SYNPO2: variants seen among roughly 807,000 people sequenced by gnomAD.
The protein encoded by SYNPO2 is synaptopodin 2.
A neutral mutation model predicts 85.0 loss-of-function variants in SYNPO2; 56 were observed. That is an observed-to-expected ratio of 0.66 (90% confidence interval 0.53 to 0.82). The LOEUF (loss-of-function observed/expected upper bound fraction) is 0.82, where lower values mean the gene tolerates loss of function less well. Among genes scored for constraint, SYNPO2 ranks in the 40% least tolerant of loss-of-function variants. SYNPO2 has a pLI of 0.00. For missense variants in SYNPO2, 1,575 were observed against 1,534.2 expected, an observed-to-expected ratio of 1.03 and a Z score of -0.44; for synonymous variants, 602 against 591.1, an observed-to-expected ratio of 1.02 and a Z score of -0.27.
At chr4:118,942,867 G>T (rs1433513910) in intron 1 of SYNPO2, among the ~76,000 whole-genome samples, 1 of 152,180 alleles carries the variant, frequency 6.6e-6, no homozygotes, top group African/African-American at 2.4e-5. Flanking sequence ...AGCACTTTGG[G>T]AGGCTAAGGT....
At position 119,030,275 on chromosome 4, in the gene SYNPO2, G is replaced by C; in HGVS notation, c.1500G>C (p.Glu500Asp). 2 of 1,614,062 alleles carry C rather than the reference G, an allele frequency of 1.2e-6. No individual in the cohort carries two copies. The highest frequency in any genetic ancestry group is 1.1e-5 in the South Asian group (1 of 91,080). The change falls in exon 4 of 5, where the codon GAG becomes GAC. Residue 500 changes from glutamate (E) to aspartate (D), a missense_variant. Glu to Asp is a conservative substitution (Grantham distance 45). This residue lies in a region of SYNPO2 where 1,508 missense variants were observed against 1,446.8 expected (regional missense o/e 1.04). Coordinates refer to ENST00000307142, the MANE Select transcript of SYNPO2 (RefSeq NM_133477.3). ...KGALMFAKRRERMDQITAQKE... is the reference protein window; with the variant it reads ...KGALMFAKRRDRMDQITAQKE... ...CCCTCATGTTTGCCAAGAGGAGGGA[G>C]AGAATGGATCAGATCACAGCCCAAA...
intron 1 of SYNPO2, among the ~76,000 whole-genome samples, chr4:118,977,390 G>A (rs563451291): frequency 1.4e-4 from 22 of 152,220 alleles, no homozygotes; most frequent in Admixed American, 5.9e-4. Flanking sequence ...CAGCTGGCCC[G>A]CAAGCGCGGC....
chr4:119,000,465 G>C (rs1736783195), intron 1 of SYNPO2, among the ~76,000 whole-genome samples: 1 of 152,174 alleles, frequency 6.6e-6, no homozygotes, highest in Non-Finnish European at 1.5e-5. Context: ...TAAAACAGCA[G>C]AAGACACCCA....
At chr4:118,923,236 C>A (rs908034640) in intron 1 of SYNPO2, among the ~76,000 whole-genome samples, 20 of 152,042 alleles carry the variant, frequency 1.3e-4, no homozygotes, top group Admixed American at 4.6e-4. Flanking sequence ...AGATCATGAC[C>A]TTTTCAGCCA....
At chr4:118,980,911 C>T in intron 1 of SYNPO2, among the ~76,000 whole-genome samples, 1 of 152,324 alleles carries the variant, frequency 6.6e-6, no homozygotes, top group Middle Eastern at 3.4e-3. Flanking sequence ...GAAACTGAGT[C>T]TGGAATGGTT....
At chr4:118,982,414 T>C (rs1257133370) in intron 1 of SYNPO2, among the ~76,000 whole-genome samples, 2 of 152,312 alleles carry the variant, frequency 1.3e-5, no homozygotes, top group East Asian at 1.9e-4. Context: ...GTCCCCATTA[T>C]AACCTCTTTT....
At chr4:119,032,500 A>G (rs1738322078) in intron 4 of SYNPO2, 1 of 1,019,986 alleles carries the variant, frequency 9.8e-7, no homozygotes, top group African/African-American at 1.7e-5. Context: ...CTCTATTACT[A>G]GTGTTAAAGG....
chr4:118,906,259 GAT>G (rs778912412), intron 1 of SYNPO2, among the ~76,000 whole-genome samples: 7 of 151,872 alleles, frequency 4.6e-5, no homozygotes, highest in Admixed American at 2.0e-4. Flanking sequence ...TTAGAAGAGT[GAT>G]ATATATATAT....
chr4:118,893,493 G>T (rs1047177384), intron 1 of SYNPO2, among the ~76,000 whole-genome samples: 1 of 152,168 alleles, frequency 6.6e-6, no homozygotes, highest in Non-Finnish European at 1.5e-5. Flanking sequence ...GGCACAGAAA[G>T]GCTACATTGC....
At chr4:119,051,561 C>A (rs1455057311) in intron 4 of SYNPO2, among the ~76,000 whole-genome samples, 1 of 152,088 alleles carries the variant, frequency 6.6e-6, no homozygotes, top group Non-Finnish European at 1.5e-5. Flanking sequence ...GACCAAGATG[C>A]TCTGGAAACA....
In SYNPO2 at chr4:119,012,759, G is replaced by A. The variant is rs188677890; in HGVS notation, c.106-10671G>A. On this transcript the variant is annotated intron_variant, in intron 1 of 4. Coordinates refer to ENST00000307142, the MANE Select transcript of SYNPO2 (RefSeq NM_133477.3). ...TTTTTAGGGTTGCATAGTATTCCACGGTGTATATGTGCCACATTTTCTTTA... is the reference window on the plus strand; with the variant it reads ...TTTTTAGGGTTGCATAGTATTCCACAGTGTATATGTGCCACATTTTCTTTA... Among the ~76,000 whole-genome samples the A allele has an allele frequency of 5.5e-3, 838 of 152,198 alleles. 7 individuals are homozygous for A. The highest frequency in any genetic ancestry group is 0.018 in the African/African-American group (753 of 41,520).
rs939108966 is a variant in SYNPO2, at chr4:119,030,070, C to T, written c.1295C>T (p.Thr432Ile). Residue 432 changes from threonine (T) to isoleucine (I), a missense_variant, in exon 4 of 5, where the codon ACA (threonine) becomes ATA (isoleucine). By Grantham distance (89) the Thr-to-Ile change is moderately conservative. Transcript: ENST00000307142. ...GAGGAAGAAGGTGACAAGGAGGATA[C>T]ATGTGAAGTAGCATTTCTTGGTGCA... ...DEEEEGDKED[T>I]CEVAFLGASE... 2.5e-6 allele frequency: 4 copies of T among 1,613,908 alleles called. No individual in the cohort carries two copies. The African/African-American group carries it at 4.0e-5, about 16-fold the overall frequency.
chr4:118,930,301 T>A (rs2149132674), intron 1 of SYNPO2, among the ~76,000 whole-genome samples: 1 of 152,328 alleles, frequency 6.6e-6, no homozygotes, highest in South Asian at 2.1e-4. Context: ...TAACATAAAT[T>A]TGATTCTGAC....
At chr4:118,999,352 A>C (rs1349121485) in intron 1 of SYNPO2, among the ~76,000 whole-genome samples, 1 of 151,816 alleles carries the variant, frequency 6.6e-6, no homozygotes, top group Non-Finnish European at 1.5e-5. Context: ...GGGTTTCATC[A>C]TGTTGTCCAG....
rs1469100467 is a variant in SYNPO2 at position 119,031,870 on chromosome 4, C to T, written c.3095C>T (p.Ser1032Phe). The T allele has an allele frequency of 6.2e-7, 1 of 1,614,130 alleles. No homozygotes were observed. Among genetic ancestry groups the T allele is most frequent in the African/African-American group, 1.3e-5 (1 of 74,946 alleles). Residue 1032 changes from serine to phenylalanine, a missense_variant, in exon 4 of 5, where the codon TCT (serine) becomes TTT (phenylalanine). Around this residue, in one of 3 missense-constraint regions of SYNPO2, gnomAD observed 1,508 missense variants for 1,446.8 expected, o/e 1.04. Transcript: ENST00000307142. ...GTGTACTCGGTACCAGCCTATACCT[C>T]TCCTCCTTCCTTCTTTGCAGAGGCC... Reference protein sequence around the residue: ...SSVYSVPAYTSPPSFFAEASS... With the variant: ...SSVYSVPAYTFPPSFFAEASS...
At chr4:119,011,628 G>A (rs745624986) in intron 1 of SYNPO2, among the ~76,000 whole-genome samples, 129 of 152,318 alleles carry the variant, frequency 8.5e-4, no homozygotes, top group Non-Finnish European at 1.1e-3. Context: ...GAAAGTAAGA[G>A]GTTTAGGAGT....
chr4:119,002,678 C>T (rs1205889523), intron 1 of SYNPO2, among the ~76,000 whole-genome samples: 2 of 152,146 alleles, frequency 1.3e-5, no homozygotes, highest in Non-Finnish European at 2.9e-5. Flanking sequence ...TTTCTCTTTT[C>T]TCTCTCAAGT....
chr4:119,032,658 C>G, intron 4 of SYNPO2: 1 of 986,266 alleles, frequency 1.0e-6, no homozygotes, highest in Non-Finnish European at 1.2e-6. Context: ...AATTACTGAG[C>G]ACTTATTATG....
At chr4:119,019,714 A>G (rs1737646586) in intron 1 of SYNPO2, among the ~76,000 whole-genome samples, 1 of 152,142 alleles carries the variant, frequency 6.6e-6, no homozygotes, top group South Asian at 2.1e-4. Context: ...ACACTTTAGA[A>G]AACTAAAGCT....
Sources: gnomAD v4.1 joint callset for allele counts (sites outside exome capture counted in the v4.1 genomes callset) on GRCh38, gnomAD v4.1.1 for gene constraint, gnomAD v4.1.1 regional missense constraint, MANE v1.5 for transcripts, NCBI Gene and HGNC (gene_info 2026-07-23, HGNC 2026-07-21) for gene names.